CTNNA2: variants seen among roughly 807,000 people sequenced by gnomAD.
CTNNA2 encodes catenin alpha-2.
In CTNNA2, 42 loss-of-function variants were observed where a neutral mutation model predicts 101.0. The ratio of observed to expected loss-of-function variants is 0.42; its 90% CI spans 0.32 to 0.54. CTNNA2 has a LOEUF of 0.54. Among genes scored for constraint, CTNNA2 ranks in the 20% least tolerant of loss-of-function variants. CTNNA2 has a pLI of 0.14. For synonymous variants in CTNNA2, 450 were observed against 456.4 expected (o/e 0.99, Z 0.18); for missense variants, 871 against 1,223.1 (o/e 0.71, Z 4.29).
chr2:80,510,565 G>T (rs1688627290), intron 9 of CTNNA2, among the ~76,000 whole-genome samples: 1 of 152,122 alleles, frequency 6.6e-6, no homozygotes, highest in South Asian at 2.1e-4. Context: ...GGTTTCCTGG[G>T]TCATCTCTCA....
chr2:79,835,664 T>G (rs1679274767), intron 3 of CTNNA2, among the ~76,000 whole-genome samples: 2 of 98,278 alleles, frequency 2.0e-5, no homozygotes, highest in African/African-American at 7.1e-5. Flanking sequence ...TGGCCTCTCT[T>G]TGTTTTTTTT....
intron 7 of CTNNA2, among the ~76,000 whole-genome samples, chr2:80,311,141 A>G (rs1427707058): frequency 6.6e-6 from 1 of 152,154 alleles, no homozygotes; most frequent in Non-Finnish European, 1.5e-5. Flanking sequence ...TCTGGTTTTT[A>G]GTCATTATAA....
intron 13 of CTNNA2, 123 bp from the exon 14 acceptor site, chr2:80,581,583 G>GGT (rs1695548307): frequency 3.2e-6 from 2 of 633,508 alleles, no homozygotes; most frequent in South Asian, 3.8e-5. Context: ...TAGCTGTGTG[G>GGT]GTGCTATGTA....
At chr2:79,202,416 C>G (rs1380846746) in intron 2 of CTNNA2, among the ~76,000 whole-genome samples, 1 of 151,958 alleles carries the variant, frequency 6.6e-6, no homozygotes, top group Non-Finnish European at 1.5e-5. Context: ...AATCACAGCT[C>G]ACTGCAGCCT....
chr2:79,805,825 C>G (rs1056012588), intron 3 of CTNNA2, among the ~76,000 whole-genome samples: 2 of 151,826 alleles, frequency 1.3e-5, no homozygotes, highest in African/African-American at 4.8e-5. Flanking sequence ...GTAGTCCCAG[C>G]TACTTGGGAG....
intron 18 of CTNNA2, among the ~76,000 whole-genome samples, chr2:80,623,299 T>C (rs1279039240): frequency 6.6e-6 from 1 of 151,868 alleles, no homozygotes; most frequent in Non-Finnish European, 1.5e-5. Context: ...GTAACTATGA[T>C]GATAGTAATC....
chr2:79,596,496 T>C (rs879099733), intron 1 of CTNNA2, among the ~76,000 whole-genome samples: 5 of 151,954 alleles, frequency 3.3e-5, no homozygotes, highest in Admixed American at 3.3e-4. Flanking sequence ...AGAATATAAA[T>C]AAAGCTCTGG....
chr2:80,095,873 G>A (rs943788607), intron 7 of CTNNA2, among the ~76,000 whole-genome samples: 6 of 151,636 alleles, frequency 4.0e-5, no homozygotes, highest in Non-Finnish European at 5.9e-5. Context: ...TTTTTATTGC[G>A]TCAATTTGAT....
At chr2:79,731,035 T>C (rs1469422742) in intron 2 of CTNNA2, among the ~76,000 whole-genome samples, 1 of 152,158 alleles carries the variant, frequency 6.6e-6, no homozygotes, top group Non-Finnish European at 1.5e-5. Flanking sequence ...AAGAAATTAA[T>C]ATCAAACACT....
chr2:79,287,969 G>C (rs563350272), intron 2 of CTNNA2, among the ~76,000 whole-genome samples: 29 of 152,306 alleles, frequency 1.9e-4, no homozygotes, highest in African/African-American at 2.9e-4. Flanking sequence ...TTTTTAAGCC[G>C]GTCGGAAAAG....
intron 7 of CTNNA2, among the ~76,000 whole-genome samples, chr2:80,020,727 A>G (rs1694497228): frequency 2.0e-5 from 3 of 152,132 alleles, no homozygotes; most frequent in Non-Finnish European, 1.5e-5. Context: ...TCTTTGTATC[A>G]GCTTGCTCAT....
intron 7 of CTNNA2, among the ~76,000 whole-genome samples, chr2:80,388,160 T>A (rs1007888841): frequency 1.3e-5 from 2 of 151,974 alleles, no homozygotes; most frequent in African/African-American, 4.8e-5. Flanking sequence ...AGAAGGGAGA[T>A]CGTTTAGATA....
intron 7 of CTNNA2, among the ~76,000 whole-genome samples, chr2:80,171,358 C>T (rs4852558): frequency 0.63 from 95,223 of 152,086 alleles, 30,204 homozygotes; most frequent in African/African-American, 0.7. Context: ...CTAAGTCCCG[C>T]CAATCTCAAA....
At position 79,786,701 on chromosome 2, in the gene CTNNA2, A is replaced by T. The variant is rs74733043; in HGVS notation, c.298+42119A>T. 0.013 allele frequency among the ~76,000 whole-genome samples: 2,018 copies of T among 152,138 alleles called. 112 individuals are homozygous for T. In the East Asian group the frequency reaches 0.16, roughly 12 times the overall value. ...AGGAGTACCATCCCATACCTATTTA[A>T]TTGTGATGCTTGCTAATATGTCATT... On this transcript the variant is annotated intron_variant, in intron 3 of 18. Coordinates refer to ENST00000402739, the MANE Select transcript of CTNNA2 (RefSeq NM_001282597.3).
chr2:80,413,315 A>T (rs1257553147), intron 8 of CTNNA2, among the ~76,000 whole-genome samples: 2 of 152,186 alleles, frequency 1.3e-5, no homozygotes, highest in African/African-American at 4.8e-5. Context: ...TTAAAAAGAG[A>T]TGCTAGTATC....
At chr2:79,974,400 A>C (rs1322832784) in intron 7 of CTNNA2, among the ~76,000 whole-genome samples, 1 of 152,078 alleles carries the variant, frequency 6.6e-6, no homozygotes, top group Non-Finnish European at 1.5e-5. Context: ...TTCAGGCACC[A>C]TTTTCTGTGT....
Position 80,259,691 on chromosome 2 carries a change from C to T in CTNNA2, c.1057-133520C>T, listed in dbSNP as rs573919474. Reference sequence around the variant, plus strand: ...TACTACAATGTTGTCTCAATCAAGACATCTAATCTGTTATTTTCAGCCTTT... The same window carrying T: ...TACTACAATGTTGTCTCAATCAAGATATCTAATCTGTTATTTTCAGCCTTT... On this transcript the variant is annotated intron_variant, in intron 7 of 18. Coordinates refer to ENST00000402739, the MANE Select transcript of CTNNA2 (RefSeq NM_001282597.3). 3.3e-5 allele frequency among the ~76,000 whole-genome samples: 5 copies of T among 152,330 alleles called. No homozygotes were observed. The East Asian group carries it at 9.7e-4, about 29-fold the overall frequency.
chr2:80,545,961 G>A lies in CTNNA2; in HGVS notation c.1438G>A (p.Asp480Asn). The A allele has an allele frequency of 6.2e-7, 1 of 1,614,140 alleles. No individual in the cohort carries two copies. The highest frequency in any genetic ancestry group is 1.7e-5 in the Admixed American group (1 of 60,018). ...CCGGCCACAGAGCAAAGTTGCTCAG[G>A]ATAACATGGACGTCTTCAAAGACCA... Reference protein sequence around the residue: ...AARPQSKVAQDNMDVFKDQWE... With the variant: ...AARPQSKVAQNNMDVFKDQWE... Residue 480 changes from aspartate (D) to asparagine (N), a missense_variant, in exon 11 of 19, where the codon GAT (aspartate) becomes AAT (asparagine). Around this residue, in one of 5 missense-constraint regions of CTNNA2, gnomAD observed 647 missense variants for 831.5 expected, o/e 0.78. Transcript: ENST00000402739.
At position 80,452,722 on chromosome 2, in the gene CTNNA2, G is replaced by C. The variant is rs569218105; in HGVS notation, c.1290+33121G>C. Among the ~76,000 whole-genome samples the C allele has an allele frequency of 2.6e-5, 4 of 151,666 alleles. No individual in the cohort carries two copies. The South Asian group carries it at 8.3e-4, about 31-fold the overall frequency. On this transcript the variant is annotated intron_variant, in intron 9 of 18. Coordinates refer to ENST00000402739, the MANE Select transcript of CTNNA2 (RefSeq NM_001282597.3). Reference sequence around the variant, plus strand: ...CTTAGATAAAAAGAAATCTAGGAAAGGGTGAAATATTCAAACTATCAGCTT... The same window carrying C: ...CTTAGATAAAAAGAAATCTAGGAAACGGTGAAATATTCAAACTATCAGCTT...
Sources: allele counts gnomAD v4.1 joint callset (sites outside exome capture counted in the v4.1 genomes callset), GRCh38; gene constraint gnomAD v4.1.1; regional missense constraint gnomAD v4.1.1; transcripts MANE v1.5; gene names NCBI Gene and HGNC (gene_info 2026-07-23, HGNC 2026-07-21).